The following ANKS1B variants were observed in gnomAD, a reference collection of about 807,000 sequenced individuals.
ANKS1B encodes ankyrin repeat and sterile alpha motif domain-containing protein 1B.
In ANKS1B, 36 loss-of-function variants were observed where a neutral mutation model predicts 148.3. The observed-to-expected ratio is 0.24, with a 90% CI of 0.19 to 0.32. The LOEUF is 0.32. ANKS1B is among the 10% of genes least tolerant of loss of function. ANKS1B has a pLI of 1.00. For synonymous variants in ANKS1B, 542 were observed against 560.8 expected, an observed-to-expected ratio of 0.97 and a Z score of 0.47; for missense variants, 1,157 against 1,542.6, an observed-to-expected ratio of 0.75 and a Z score of 4.19.
In ANKS1B at chr12:99,124,005, A is replaced by C. The variant is rs2063619715; in HGVS notation, c.2526+30284T>G. Among the ~76,000 whole-genome samples the C allele has an allele frequency of 2.6e-5, 4 of 152,334 alleles. No homozygotes were observed. The South Asian group carries it at 6.2e-4, about 24-fold the overall frequency. On this transcript the variant is annotated intron_variant, in intron 15 of 26. Coordinates refer to ENST00000683438, the MANE Select transcript of ANKS1B (RefSeq NM_001352186.2). ...ACAGAAGGTGATGAAATCAGACAGG[A>C]AGAGATGATCTGTCCATGCAGGGTC...
chr12:99,584,603 G>T (rs948852606), intron 9 of ANKS1B, among the ~76,000 whole-genome samples: 1 of 150,210 alleles, frequency 6.7e-6, no homozygotes, highest in Non-Finnish European at 1.5e-5. Flanking sequence ...TTTTGAGAGA[G>T]AAATATATAT....
chr12:99,798,397 T>G (rs2066501935), intron 4 of ANKS1B, among the ~76,000 whole-genome samples: 1 of 148,964 alleles, frequency 6.7e-6, no homozygotes, highest in Admixed American at 6.8e-5. Context: ...TGTTTGGTAC[T>G]TAGCCACGTG....
chr12:99,761,892 A>T (rs2062158427), intron 8 of ANKS1B, among the ~76,000 whole-genome samples: 1 of 152,104 alleles, frequency 6.6e-6, no homozygotes, highest in African/African-American at 2.4e-5. Context: ...TAATTTCTAT[A>T]CATCAATAAC....
chr12:98,899,526 AC>A (rs1426771416), intron 17 of ANKS1B, among the ~76,000 whole-genome samples: 7 of 152,212 alleles, frequency 4.6e-5, no homozygotes, highest in Non-Finnish European at 8.8e-5. Flanking sequence ...ATGTCATTCA[AC>A]TAGTTGAAAG....
intron 12 of ANKS1B, among the ~76,000 whole-genome samples, chr12:99,295,151 C>G (rs12311453): frequency 0.014 from 2,175 of 152,238 alleles, 56 homozygotes; most frequent in African/African-American, 0.05. Context: ...TACAGCCAAA[C>G]CATTTTCCAA....
intron 17 of ANKS1B, among the ~76,000 whole-genome samples, chr12:98,921,244 C>T (rs942924282): frequency 6.6e-6 from 1 of 152,194 alleles, no homozygotes; most frequent in African/African-American, 2.4e-5. Context: ...TTAGAGTATA[C>T]ACCATATGCC....
intron 9 of ANKS1B, among the ~76,000 whole-genome samples, chr12:99,628,125 T>C (rs2098127116): frequency 6.6e-6 from 1 of 152,102 alleles, no homozygotes; most frequent in Non-Finnish European, 1.5e-5. Flanking sequence ...GCTACAAACC[T>C]GCACAGAATG....
chr12:98,802,715 T>C (rs902565314), intron 20 of ANKS1B, among the ~76,000 whole-genome samples: 1 of 149,618 alleles, frequency 6.7e-6, no homozygotes, highest in Non-Finnish European at 1.5e-5. Flanking sequence ...CGCTATTTCC[T>C]TGGCTTCTCA....
intron 17 of ANKS1B, among the ~76,000 whole-genome samples, chr12:98,835,306 G>C (rs1355882669): frequency 2.6e-5 from 4 of 152,114 alleles, no homozygotes; most frequent in African/African-American, 9.7e-5. Context: ...ATGTGGTTGG[G>C]AAGATGAAGA....
intron 10 of ANKS1B, among the ~76,000 whole-genome samples, chr12:99,457,364 G>GA (rs113378624): frequency 1.4e-4 from 21 of 148,272 alleles, no homozygotes; most frequent in African/African-American, 3.5e-4. Context: ...ACAACACTAT[G>GA]AAAAAAAAAC....
chr12:99,359,705 T>G (rs1000296209), intron 12 of ANKS1B, among the ~76,000 whole-genome samples: 24 of 152,178 alleles, frequency 1.6e-4, no homozygotes, highest in African/African-American at 5.5e-4. Flanking sequence ...TAACCCATTT[T>G]GACCAAATAT....
chr12:99,680,419 T>C (rs1303341071), intron 8 of ANKS1B, among the ~76,000 whole-genome samples: 2 of 149,646 alleles, frequency 1.3e-5, no homozygotes, highest in Non-Finnish European at 2.9e-5. Context: ...CCAGGCTGTC[T>C]GTTAAGACTC....
chr12:99,609,608 T>C (rs1259773399), intron 9 of ANKS1B, among the ~76,000 whole-genome samples: 1 of 151,294 alleles, frequency 6.6e-6, no homozygotes, highest in Non-Finnish European at 1.5e-5. Context: ...AGGGACCTCA[T>C]CCACTGGCTG....
intron 15 of ANKS1B, chr12:99,097,525 T>C (rs545800636): frequency 6.6e-6 from 1 of 152,288 alleles, no homozygotes; most frequent in South Asian, 2.1e-4. Context: ...TAAATTTAAA[T>C]CATTATTCAA....
chr12:99,955,108 C>G (rs769393382), intron 1 of ANKS1B, among the ~76,000 whole-genome samples: 5 of 152,104 alleles, frequency 3.3e-5, no homozygotes, highest in African/African-American at 1.2e-4. Flanking sequence ...TGTGAAGTTC[C>G]AAAACTCCCC....
intron 9 of ANKS1B, among the ~76,000 whole-genome samples, chr12:99,581,233 A>G (rs943223263): frequency 6.6e-6 from 1 of 152,208 alleles, no homozygotes; most frequent in Non-Finnish European, 1.5e-5. Context: ...GAATAAAATA[A>G]GAGTGTCCAG....
chr12:98,776,965 A>G (rs2098684046), intron 24 of ANKS1B, among the ~76,000 whole-genome samples: 3 of 152,234 alleles, frequency 2.0e-5, no homozygotes, highest in Admixed American at 2.0e-4. Context: ...CTGAGGCAGA[A>G]ATATTGCTTG....
intron 17 of ANKS1B, among the ~76,000 whole-genome samples, chr12:98,907,185 C>T (rs1373102009): frequency 6.6e-6 from 1 of 152,180 alleles, no homozygotes; most frequent in Non-Finnish European, 1.5e-5. Flanking sequence ...TACCCTTTGT[C>T]CAACATCTCC....
At chr12:99,383,255 A>G (rs1179501581) in intron 12 of ANKS1B, among the ~76,000 whole-genome samples, 1 of 152,210 alleles carries the variant, frequency 6.6e-6, no homozygotes, top group Non-Finnish European at 1.5e-5. Flanking sequence ...ATTTTGAAAA[A>G]AAGGTAATTG....
Sources: gnomAD v4.1 joint callset for allele counts (sites outside exome capture counted in the v4.1 genomes callset) on GRCh38, gnomAD v4.1.1 for gene constraint, MANE v1.5 for transcripts, NCBI Gene and HGNC (gene_info 2026-07-23, HGNC 2026-07-21) for gene names.